The following DNM3 variants were observed in gnomAD, a reference collection of about 807,000 sequenced individuals.
DNM3 encodes dynamin 3, also known as dynamin-3.
Under a neutral mutation model 101.6 loss-of-function variants are expected in DNM3, and 47 were observed. The observed-to-expected ratio is 0.46, with a 90% CI of 0.37 to 0.59. The LOEUF (loss-of-function observed/expected upper bound fraction) is 0.59. Among genes scored for constraint, DNM3 ranks in the 20% least tolerant of loss-of-function variants. The pLI is 0.00. For missense variants in DNM3, 849 were observed against 1,085.7 expected, an observed-to-expected ratio of 0.78 and a Z score of 3.06; for synonymous variants, 385 against 387.9, an observed-to-expected ratio of 0.99 and a Z score of 0.09.
rs1487984347 is a variant in DNM3, at chr1:172,042,048, T to C, written c.1032T>C (p.Ile344=). ...TTGCTGTGGACTTTGAGAAGAGAAT[T>C]GAAGGGTCAGGGGATCAAGTAGATA... ...QQFAVDFEKR[I]EGSGDQVDTL... Residue 344 remains isoleucine (I), a synonymous_variant, in exon 8 of 21, where the codon ATT becomes ATC. Coordinates refer to ENST00000627582, the MANE Select transcript of DNM3 (RefSeq NM_015569.5). The C allele has an allele frequency of 1.2e-6, 2 of 1,604,098 alleles. No individual in the cohort carries two copies. Among genetic ancestry groups the C allele is most frequent in the Non-Finnish European group, 8.5e-7 (1 of 1,177,410 alleles).
intron 14 of DNM3, among the ~76,000 whole-genome samples, chr1:172,225,070 T>C (rs1390576207): frequency 5.3e-5 from 8 of 151,870 alleles, no homozygotes; most frequent in Admixed American, 5.3e-4. Flanking sequence ...TGCAATGCAG[T>C]ATTCTCCTCC....
At chr1:171,874,569 A>G (rs537907089) in intron 1 of DNM3, among the ~76,000 whole-genome samples, 1 of 152,350 alleles carries the variant, frequency 6.6e-6, no homozygotes, top group African/African-American at 2.4e-5. Context: ...TAATATTCAT[A>G]TAGTTCATTA....
intron 2 of DNM3, among the ~76,000 whole-genome samples, chr1:171,929,717 G>A (rs1418821888): frequency 6.6e-6 from 1 of 152,192 alleles, no homozygotes; most frequent in Non-Finnish European, 1.5e-5. Flanking sequence ...CCATCCCAGG[G>A]AAGTTTCAAG....
At chr1:172,169,165 G>C (rs961459862) in intron 14 of DNM3, among the ~76,000 whole-genome samples, 1 of 151,816 alleles carries the variant, frequency 6.6e-6, no homozygotes, top group Non-Finnish European at 1.5e-5. Flanking sequence ...TGTTTGGAAT[G>C]AAATTCCATA....
At chr1:172,265,350 G>A (rs1400549363) in intron 15 of DNM3, among the ~76,000 whole-genome samples, 1 of 152,100 alleles carries the variant, frequency 6.6e-6, no homozygotes, top group Non-Finnish European at 1.5e-5. Flanking sequence ...TCAGTGCTAA[G>A]ATTTATAAAT....
chr1:171,944,854 C>CTTTTTTTT lies in DNM3; in HGVS notation c.235+23033_235+23034insTTTTTTTT, dbSNP rs1491537348. Among the ~76,000 whole-genome samples, 117 of 37,586 alleles carry CTTTTTTTT rather than the reference C, an allele frequency of 3.1e-3. 48 individuals carry two copies. The highest frequency in any genetic ancestry group is 0.048 in the Middle Eastern group (2 of 42). 24.7% of individuals were successfully genotyped at this position (37,586 alleles called of 152,430 possible). On this transcript the variant is annotated intron_variant, in intron 2 of 20. Transcript: ENST00000627582. ...TTTGTTTTCTTTTTTTTTGGTGTTT[C>CTTTTTTTT]CTTTTTTTTTTTTTTTTTTTTTTTT...
intron 2 of DNM3, among the ~76,000 whole-genome samples, chr1:171,981,864 A>C (rs1416618183): frequency 6.6e-6 from 1 of 152,214 alleles, no homozygotes; most frequent in Non-Finnish European, 1.5e-5. Context: ...ACTGCGACAA[A>C]ATAAAATTTC....
At chr1:171,942,059 A>G (rs1571738527) in intron 2 of DNM3, among the ~76,000 whole-genome samples, 1 of 152,098 alleles carries the variant, frequency 6.6e-6, no homozygotes, top group African/African-American at 2.4e-5. Context: ...ATATGTTTGA[A>G]TTGAGGATGG....
At chr1:172,368,157 T>C (rs976595144) in intron 17 of DNM3, among the ~76,000 whole-genome samples, 2 of 151,884 alleles carry the variant, frequency 1.3e-5, no homozygotes, top group Non-Finnish European at 2.9e-5. Flanking sequence ...TTCTATGCAA[T>C]AGCTACAGAA....
intron 1 of DNM3, among the ~76,000 whole-genome samples, chr1:171,874,932 G>A (rs2035623360): frequency 6.6e-6 from 1 of 151,872 alleles, no homozygotes; most frequent in Non-Finnish European, 1.5e-5. Context: ...TTGGTTTGCT[G>A]TTCCTGTGTT....
Position 172,321,809 on chromosome 1 carries a change from T to C in DNM3, c.1882-1520T>C, listed in dbSNP as rs74124052. Reference sequence around the variant, plus strand: ...CTGTTTGAAGTATTTTCAGCAATATTGCACTACTTGGGAGAACCAGGGTCC... The same window carrying C: ...CTGTTTGAAGTATTTTCAGCAATATCGCACTACTTGGGAGAACCAGGGTCC... On this transcript the variant is annotated intron_variant, in intron 16 of 20. Coordinates refer to ENST00000627582, the MANE Select transcript of DNM3 (RefSeq NM_015569.5). 7.1e-3 allele frequency among the ~76,000 whole-genome samples: 1,074 copies of C among 152,312 alleles called. 9 individuals carry two copies. Among genetic ancestry groups the C allele is most frequent in the African/African-American group, 0.024 (1,017 of 41,576 alleles).
intron 11 of DNM3, among the ~76,000 whole-genome samples, chr1:172,069,519 T>A (rs1418192476): frequency 6.6e-6 from 1 of 152,230 alleles, no homozygotes; most frequent in African/African-American, 2.4e-5. Context: ...TTGGAAAGAT[T>A]ATTTTCAAGT....
At chr1:172,084,788 G>T (rs2053414334) in intron 12 of DNM3, among the ~76,000 whole-genome samples, 1 of 152,102 alleles carries the variant, frequency 6.6e-6, no homozygotes, top group African/African-American at 2.4e-5. Context: ...GAGATTTTTA[G>T]AGAGTTGCCA....
intron 17 of DNM3, among the ~76,000 whole-genome samples, chr1:172,369,942 T>G (rs189047075): frequency 6.6e-6 from 1 of 152,038 alleles, no homozygotes; most frequent in East Asian, 1.9e-4. Context: ...CTTCCCTCTG[T>G]GTGTGCCCAT....
intron 14 of DNM3, chr1:172,133,126 A>G: frequency 7.1e-7 from 1 of 1,401,974 alleles, no homozygotes; most frequent in Non-Finnish European, 9.2e-7. Context: ...AGCAGCAGAG[A>G]CACTGAAGAC....
intron 14 of DNM3, among the ~76,000 whole-genome samples, chr1:172,230,170 C>G (rs1171783429): frequency 6.6e-6 from 1 of 151,706 alleles, no homozygotes; most frequent in Non-Finnish European, 1.5e-5. Flanking sequence ...TTGGCTCTGC[C>G]CCATGTGAGA....
chr1:171,896,590 G>T (rs1394591462), intron 1 of DNM3, among the ~76,000 whole-genome samples: 2 of 152,184 alleles, frequency 1.3e-5, no homozygotes, highest in South Asian at 2.1e-4. Flanking sequence ...CATGTCATCT[G>T]TAAGCAGGGA....
intron 10 of DNM3, among the ~76,000 whole-genome samples, chr1:172,065,029 C>T (rs1286540653): frequency 6.6e-6 from 1 of 152,190 alleles, no homozygotes; most frequent in Non-Finnish European, 1.5e-5. Flanking sequence ...AGGAGACACA[C>T]ACGTGCACAC....
intron 14 of DNM3, among the ~76,000 whole-genome samples, chr1:172,212,673 G>T (rs1374230138): frequency 6.6e-6 from 1 of 152,260 alleles, no homozygotes; most frequent in African/African-American, 2.4e-5. Context: ...AGGCAAATAA[G>T]TGTTTCAACT....
Sources: allele counts gnomAD v4.1 joint callset (sites outside exome capture counted in the v4.1 genomes callset), GRCh38; gene constraint gnomAD v4.1.1; transcripts MANE v1.5; gene names NCBI Gene and HGNC (gene_info 2026-07-23, HGNC 2026-07-21).